The following IGFL2 variants were observed in gnomAD, a reference collection of about 807,000 sequenced individuals.
IGFL2 encodes IGF like family member 2.
In IGFL2, 7 loss-of-function variants were observed where a neutral mutation model predicts 13.9. That is an observed-to-expected ratio of 0.51 (90% CI 0.29 to 0.95). The LOEUF is 0.95. Ranked by LOEUF, IGFL2 falls within the 40% of genes least tolerant of loss-of-function variation. The pLI, the probability that IGFL2 is intolerant of heterozygous loss-of-function variation, is 0.08. For synonymous variants in IGFL2, 55 were observed against 55.8 expected, an observed-to-expected ratio of 0.99 and a Z score of 0.07; for missense variants, 138 against 147.8, an observed-to-expected ratio of 0.93 and a Z score of 0.34.
At chr19:46,198,495 C>T in the IGFL2 span, 2 of 152,054 alleles carry the variant, frequency 1.3e-5, no homozygotes, top group Non-Finnish European at 2.9e-5. Flanking sequence ...GAGTCATGAA[C>T]GAAGGTTTCA....
the IGFL2 span, among the ~76,000 whole-genome samples, chr19:46,131,459 A>G: frequency 3.2e-3 from 492 of 152,356 alleles, 1 homozygote; most frequent in African/African-American, 0.011. Flanking sequence ...GGGAATTCAG[A>G]TGAAATTTTT....
the IGFL2 span, among the ~76,000 whole-genome samples, chr19:46,104,639 A>G: frequency 6.6e-6 from 1 of 152,198 alleles, no homozygotes; most frequent in Non-Finnish European, 1.5e-5. Context: ...AAGTAAATCA[A>G]TTTGCCAGTC....
At chr19:46,159,872 G>A (rs566532964) in intron 1 of IGFL2, 1 of 158,124 alleles carries the variant, frequency 6.3e-6, no homozygotes, top group East Asian at 1.9e-4. Context: ...GGAAGCTGAA[G>A]TGAGAGGATC....
At chr19:46,196,613 C>T in the IGFL2 span, among the ~76,000 whole-genome samples, 1 of 152,214 alleles carries the variant, frequency 6.6e-6, no homozygotes, top group African/African-American at 2.4e-5. Flanking sequence ...CCTCCAACAC[C>T]AGGAAACAAC....
chr19:46,196,511 A>AAAT, the IGFL2 span, among the ~76,000 whole-genome samples: 754 of 152,158 alleles, frequency 5.0e-3, 3 homozygotes, highest in African/African-American at 0.017. Flanking sequence ...GTCTTTTTCT[A>AAAT]AATGTCAGTG....
chr19:46,208,619 T>A, the IGFL2 span: 1 of 152,202 alleles, frequency 6.6e-6, no homozygotes, highest in Non-Finnish European at 1.5e-5. Context: ...AGGGGAAGGA[T>A]CTGGTAGGTG....
chr19:46,202,868 C>T, the IGFL2 span: 4 of 152,330 alleles, frequency 2.6e-5, no homozygotes, highest in East Asian at 5.8e-4. Flanking sequence ...GAAGTTCCTT[C>T]GGCTGGGCTG....
At chr19:46,207,562 C>T in the IGFL2 span, 1 of 151,988 alleles carries the variant, frequency 6.6e-6, no homozygotes, top group African/African-American at 2.4e-5. Flanking sequence ...TTGTATTTTT[C>T]GTAGAGACGG....
At chr19:46,126,417 C>G in the IGFL2 span, among the ~76,000 whole-genome samples, 1 of 152,202 alleles carries the variant, frequency 6.6e-6, no homozygotes, top group African/African-American at 2.4e-5. Context: ...ACACTAGCCC[C>G]TTCTTTCTTT....
the IGFL2 span, among the ~76,000 whole-genome samples, chr19:46,090,393 T>C: frequency 1.3e-5 from 2 of 152,236 alleles, no homozygotes; most frequent in Non-Finnish European, 2.9e-5. Context: ...TTATTTTGTC[T>C]CCCCGCTAAT....
the IGFL2 span, chr19:46,111,793 C>A: frequency 1.3e-5 from 2 of 152,124 alleles, no homozygotes; most frequent in African/African-American, 4.8e-5. Flanking sequence ...GTATCTAGTC[C>A]TAGAGGATCA....
chr19:46,142,142 A>C (rs1470917074), upstream of IGFL2, among the ~76,000 whole-genome samples: 1 of 152,238 alleles, frequency 6.6e-6, no homozygotes, highest in Non-Finnish European at 1.5e-5. Context: ...GCACAATGAA[A>C]TAATGACTTA....
chr19:46,137,291 A>G, the IGFL2 span: 1 of 1,108,198 alleles, frequency 9.0e-7, no homozygotes, highest in Non-Finnish European at 1.4e-6. Context: ...CGTACACCAC[A>G]TGCAATATTA....
chr19:46,105,436 A>C, the IGFL2 span, among the ~76,000 whole-genome samples: 1 of 152,178 alleles, frequency 6.6e-6, no homozygotes, highest in Non-Finnish European at 1.5e-5. Context: ...AACTGCCATC[A>C]ATAAACCAAG....
At chr19:46,114,691 A>C in the IGFL2 span, among the ~76,000 whole-genome samples, 5 of 152,140 alleles carry the variant, frequency 3.3e-5, no homozygotes, top group South Asian at 8.3e-4. Context: ...CTCTCCTGCC[A>C]CCATGTAAGA....
At chr19:46,092,113 T>C in the IGFL2 span, among the ~76,000 whole-genome samples, 1 of 152,220 alleles carries the variant, frequency 6.6e-6, no homozygotes, top group African/African-American at 2.4e-5. Flanking sequence ...GGCTCTTTCT[T>C]GATTCACATT....
the IGFL2 span, among the ~76,000 whole-genome samples, chr19:46,181,705 TA>T: frequency 1.3e-5 from 2 of 152,232 alleles, no homozygotes; most frequent in African/African-American, 4.8e-5. Context: ...AAAGGATCCT[TA>T]AAAAGCCCTG....
rs116142948 is a variant in IGFL2 at position 46,155,463 on chromosome 19, T to C, written c.20-4952T>C. Among the ~76,000 whole-genome samples the C allele has an allele frequency of 4.5e-3, 687 of 152,286 alleles. 4 individuals carry two copies. Among genetic ancestry groups the C allele is most frequent in the African/African-American group, 0.016 (657 of 41,550 alleles). Reference sequence around the variant, plus strand: ...TGCTCTATACAGATTGAGTGGAATTTCTTGAATAAACATTTCTTTATTTGC... The same window carrying C: ...TGCTCTATACAGATTGAGTGGAATTCCTTGAATAAACATTTCTTTATTTGC... On this transcript the variant is annotated intron_variant, in intron 1 of 3. Transcript: ENST00000377693.
At chr19:46,213,885 A>G in the IGFL2 span, 4 of 153,420 alleles carry the variant, frequency 2.6e-5, no homozygotes, top group Admixed American at 1.3e-4. Context: ...ATTTAAACGG[A>G]AAACTAAAAA....
Sources: gnomAD v4.1 joint callset for allele counts (sites outside exome capture counted in the v4.1 genomes callset) on GRCh38, gnomAD v4.1.1 for gene constraint, MANE v1.5 for transcripts, NCBI Gene and HGNC (gene_info 2026-07-23, HGNC 2026-07-21) for gene names.